MGST3: variants seen among roughly 807,000 people sequenced by gnomAD.
MGST3 encodes microsomal glutathione S-transferase 3, also known as glutathione S-transferase 3, mitochondrial.
A neutral mutation model predicts 15.8 loss-of-function variants in MGST3; 13 were observed. The ratio of observed to expected loss-of-function variants is 0.82; its 90% CI spans 0.54 to 1.31. The LOEUF (loss-of-function observed/expected upper bound fraction) is 1.31, where lower values mean the gene tolerates loss of function less well. Ranked by LOEUF, MGST3 falls within the 50% of genes most tolerant of loss-of-function variation. The pLI is 0.00. For synonymous variants in MGST3, 49 were observed against 68.1 expected (o/e 0.72, Z 1.38); for missense variants, 155 against 192.4 (o/e 0.81, Z 1.15).
intron 1 of MGST3, among the ~76,000 whole-genome samples, chr1:165,631,732 T>A (rs1000195684): frequency 6.6e-6 from 1 of 152,138 alleles, no homozygotes; most frequent in African/African-American, 2.4e-5. Context: ...GCCTGATCAG[T>A]AACACTGGTT....
chr1:165,654,352 G>T lies in MGST3; in HGVS notation c.322+1G>T. The T allele has an allele frequency of 6.2e-7, 1 of 1,613,576 alleles. No homozygotes were observed. The highest frequency in any genetic ancestry group is 8.5e-7 in the Non-Finnish European group (1 of 1,179,548). ...TATGCTTATGGCTATTACACGGGAG[G>T]TTAGTATATATTGACATTTGCCAAG... On this transcript the variant is annotated splice_donor_variant, in intron 5 of 5. Transcript: ENST00000367889. LOFTEE classifies it high-confidence loss of function.
intron 1 of MGST3, among the ~76,000 whole-genome samples, chr1:165,636,413 C>T (rs369042051): frequency 2.0e-5 from 3 of 152,012 alleles, no homozygotes; most frequent in Admixed American, 6.5e-5. Context: ...TGTTTTAGTA[C>T]GTATATACAT....
At chr1:165,655,283 T>G in intron 5 of MGST3, 85 bp from the exon 6 acceptor site, 1 of 1,555,254 alleles carries the variant, frequency 6.4e-7, no homozygotes, top group East Asian at 2.3e-5. Context: ...CAACCTCAGA[T>G]GCGATGATAG....
chr1:165,638,146 A>C (rs1332876400), intron 1 of MGST3, among the ~76,000 whole-genome samples: 1 of 152,210 alleles, frequency 6.6e-6, no homozygotes, highest in Non-Finnish European at 1.5e-5. Context: ...ATACACTGAT[A>C]AATGTAAAAG....
At chr1:165,638,897 A>G (rs1221532178) in intron 1 of MGST3, among the ~76,000 whole-genome samples, 1 of 152,148 alleles carries the variant, frequency 6.6e-6, no homozygotes, top group Non-Finnish European at 1.5e-5. Context: ...TTTAAAGGAG[A>G]GAGACTGAAT....
At chr1:165,634,547 C>A (rs1298339528) in intron 1 of MGST3, among the ~76,000 whole-genome samples, 1 of 152,176 alleles carries the variant, frequency 6.6e-6, no homozygotes, top group Non-Finnish European at 1.5e-5. Context: ...TTCTCTCCTT[C>A]ATACAAGTCA....
rs1648694630 is a variant in MGST3, at chr1:165,655,868, T to A, written c.*364T>A. ...ATGCATTATCACTTGCTACAGATACTCCAAGGCCAAAGGAATGCTTGAGCC... is the reference window on the plus strand; with the variant it reads ...ATGCATTATCACTTGCTACAGATACACCAAGGCCAAAGGAATGCTTGAGCC... On this transcript the variant is annotated 3_prime_UTR_variant, in exon 6 of 6. Coordinates refer to ENST00000367889, the MANE Select transcript of MGST3 (RefSeq NM_004528.4). 1 of 265,408 alleles carries A rather than the reference T, an allele frequency of 3.8e-6. No individual in the cohort carries two copies. The highest frequency in any genetic ancestry group is 7.4e-6 in the Non-Finnish European group (1 of 135,868). 16.4% of individuals were successfully genotyped at this position (265,408 alleles called of 1,614,324 possible).
At chr1:165,649,683 G>A in intron 1 of MGST3, 158 bp from the exon 2 acceptor site, 1 of 807,794 alleles carries the variant, frequency 1.2e-6, no homozygotes, top group South Asian at 1.6e-5. Flanking sequence ...ATATGGTACT[G>A]TCTTTGATGA....
At chr1:165,645,515 A>G (rs926497751) in intron 1 of MGST3, 2 of 152,194 alleles carry the variant, frequency 1.3e-5, no homozygotes, top group Non-Finnish European at 2.9e-5. Context: ...CTATAATGCT[A>G]AAAAGTATAG....
chr1:165,652,124 A>G (rs1033466932), intron 4 of MGST3, 89 bp downstream of exon 4: 20 of 949,912 alleles, frequency 2.1e-5, no homozygotes, highest in Non-Finnish European at 3.0e-5. Flanking sequence ...CATTTAATGA[A>G]TATCTTCAGT....
rs965884627 is a variant in MGST3 at position 165,638,792 on chromosome 1, CT to C, written c.-8+7501del. ...CCTGTGGGACAGAGAGAGACTCCGT[CT>C]TAAAAAAAAAAAAAAACCCACATTC... On this transcript the variant is annotated intron_variant, in intron 1 of 5. Coordinates refer to ENST00000367889, the MANE Select transcript of MGST3 (RefSeq NM_004528.4). Among the ~76,000 whole-genome samples the C allele has an allele frequency of 3.8e-4, 30 of 79,616 alleles. 2 individuals are homozygous for C. The highest frequency in any genetic ancestry group is 8.6e-4 in the African/African-American group (20 of 23,384). 52.2% of individuals were successfully genotyped at this position (79,616 alleles called of 152,430 possible). A position where few individuals can be genotyped will look rare whatever the true frequency, so the allele number is the denominator to read the frequency against.
At chr1:165,638,542 C>T (rs1302655304) in intron 1 of MGST3, among the ~76,000 whole-genome samples, 3 of 150,828 alleles carry the variant, frequency 2.0e-5, no homozygotes, top group East Asian at 2.0e-4. Context: ...CCAGCACTTT[C>T]GGAGGCCAAG....
chr1:165,650,894 T>G, intron 2 of MGST3, 120 bp from the exon 3 acceptor site: 1 of 826,272 alleles, frequency 1.2e-6, no homozygotes. Flanking sequence ...AATTGAATGG[T>G]CATCTATCAA....
intron 1 of MGST3, among the ~76,000 whole-genome samples, chr1:165,632,884 C>A (rs1647992156): frequency 6.6e-6 from 1 of 151,914 alleles, no homozygotes; most frequent in African/African-American, 2.4e-5. Flanking sequence ...TGCTAAAAAG[C>A]CCCTGGAGCA....
intron 1 of MGST3, among the ~76,000 whole-genome samples, chr1:165,639,830 C>T (rs1648213771): frequency 6.6e-6 from 1 of 152,068 alleles, no homozygotes; most frequent in Non-Finnish European, 1.5e-5. Context: ...AAGAAGCACT[C>T]TATGGGACCA....
intron 1 of MGST3, chr1:165,632,146 A>C: frequency 8.8e-7 from 1 of 1,131,432 alleles, no homozygotes; most frequent in East Asian, 2.4e-5. Context: ...GGGGCAAGTA[A>C]GTGTGGAAGA....
intron 4 of MGST3, 81 bp from the exon 5 acceptor site, chr1:165,654,198 T>G: frequency 7.5e-7 from 1 of 1,333,478 alleles, no homozygotes; most frequent in Non-Finnish European, 1.1e-6. Flanking sequence ...TTTGCTAACA[T>G]ATTGTGTAAT....
chr1:165,632,106 C>A, intron 1 of MGST3: 2 of 739,278 alleles, frequency 2.7e-6, no homozygotes, highest in Non-Finnish European at 4.6e-6. Context: ...CCTTGAGAGT[C>A]ACGAGTTTAC....
chr1:165,650,914 AG>A, intron 2 of MGST3, 99 bp from the exon 3 acceptor site: 1 of 1,017,816 alleles, frequency 9.8e-7, no homozygotes, highest in South Asian at 1.3e-5. Context: ...AGGGTGTGAA[AG>A]AAGATACTTT....
Sources: allele counts gnomAD v4.1 joint callset (sites outside exome capture counted in the v4.1 genomes callset), GRCh38; gene constraint gnomAD v4.1.1; transcripts MANE v1.5; gene names NCBI Gene and HGNC (gene_info 2026-07-23, HGNC 2026-07-21).